The following SCP2 variants were observed in gnomAD, a reference collection of about 807,000 sequenced individuals.
The protein encoded by SCP2 is SCP-2/3-oxoacyl-CoA thiolase.
In SCP2, 48 loss-of-function variants were observed where a neutral mutation model predicts 71.4. The ratio of observed to expected loss-of-function variants is 0.67; its 90% CI spans 0.53 to 0.86. The LOEUF (loss-of-function observed/expected upper bound fraction) is 0.86, where lower values mean the gene tolerates loss of function less well. SCP2 is among the 40% of genes least tolerant of loss of function. SCP2 has a pLI of 0.00. For missense variants in SCP2, 560 were observed against 655.6 expected (o/e 0.85, Z 1.59); for synonymous variants, 220 against 218.1 (o/e 1.01, Z -0.08).
At chr1:53,042,948 G>A (rs887755277) in intron 14 of SCP2, among the ~76,000 whole-genome samples, 2 of 151,960 alleles carry the variant, frequency 1.3e-5, no homozygotes, top group African/African-American at 2.4e-5. Flanking sequence ...CCTTTGAAAC[G>A]ACTCATATAG....
intron 10 of SCP2, among the ~76,000 whole-genome samples, chr1:52,981,414 T>C (rs1293132272): frequency 2.0e-5 from 3 of 151,770 alleles, no homozygotes; most frequent in African/African-American, 7.3e-5. Context: ...TATTGAAAAA[T>C]AGAATGTAAA....
At chr1:52,940,662 C>G (rs1379356226) in intron 1 of SCP2, among the ~76,000 whole-genome samples, 1 of 152,210 alleles carries the variant, frequency 6.6e-6, no homozygotes, top group African/African-American at 2.4e-5. Flanking sequence ...ATGCTTAACA[C>G]AATGCATACC....
At chr1:53,016,854 T>C (rs17107576) in intron 12 of SCP2, among the ~76,000 whole-genome samples, 5,139 of 152,232 alleles carry the variant, frequency 0.034, 405 homozygotes, top group East Asian at 0.33. Flanking sequence ...ACACATTAGG[T>C]AGATCAGTCT....
At chr1:53,009,247 G>T (rs1376936882) in intron 11 of SCP2, among the ~76,000 whole-genome samples, 2 of 152,112 alleles carry the variant, frequency 1.3e-5, no homozygotes, top group African/African-American at 4.8e-5. Context: ...AGTTACCAAT[G>T]ACCTTCTTCA....
intron 1 of SCP2, chr1:52,928,566 AG>A (rs1652769063): frequency 6.6e-6 from 1 of 152,326 alleles, no homozygotes. Flanking sequence ...GGATCACCTG[AG>A]GTCAAGAGTT....
chr1:53,023,169 T>A (rs1661871792), intron 12 of SCP2, among the ~76,000 whole-genome samples: 1 of 152,180 alleles, frequency 6.6e-6, no homozygotes, highest in South Asian at 2.1e-4. Context: ...ACTTTACATA[T>A]TAACTTTTAA....
intron 6 of SCP2, among the ~76,000 whole-genome samples, chr1:52,966,735 A>G (rs1342283967): frequency 6.6e-6 from 1 of 151,852 alleles, no homozygotes; most frequent in East Asian, 1.9e-4. Context: ...GATACAAAAA[A>G]AAAAAAAAAT....
chr1:53,016,046 TTTA>T (rs545037248), intron 12 of SCP2, among the ~76,000 whole-genome samples: 73 of 152,282 alleles, frequency 4.8e-4, no homozygotes, highest in Middle Eastern at 3.4e-3. Flanking sequence ...CTTCTTTTTT[TTTA>T]TTATTATACT....
intron 5 of SCP2, 45 bp from the exon 6 acceptor site, chr1:52,961,458 A>G (rs376057104): frequency 1.2e-6 from 2 of 1,606,048 alleles, no homozygotes; most frequent in African/African-American, 2.7e-5. Flanking sequence ...TGAAAGAGAC[A>G]CTTATCATGT....
chr1:52,943,620 C>CA, intron 2 of SCP2: 1 of 428,424 alleles, frequency 2.3e-6, no homozygotes. Context: ...TTGGTGTCTT[C>CA]AAAAAGGCCA....
At chr1:52,970,848 C>G (rs1319565352) in intron 6 of SCP2, among the ~76,000 whole-genome samples, 1 of 149,308 alleles carries the variant, frequency 6.7e-6, no homozygotes, top group Admixed American at 6.7e-5. Flanking sequence ...TTTTTTTTAA[C>G]TTATAGATAA....
intron 8 of SCP2, 43 bp downstream of exon 8, chr1:52,976,812 C>A: frequency 1.1e-6 from 1 of 940,508 alleles, no homozygotes; most frequent in Non-Finnish European, 1.8e-6. Context: ...GAAGTAACTG[C>A]TGCCCTTCCT....
At chr1:52,940,096 T>A (rs1341987460) in intron 1 of SCP2, among the ~76,000 whole-genome samples, 1 of 152,134 alleles carries the variant, frequency 6.6e-6, no homozygotes, top group African/African-American at 2.4e-5. Flanking sequence ...GTTGTTTTAT[T>A]CCAGTCTCAT....
At chr1:52,960,244 C>T (rs1656217252) in intron 5 of SCP2, among the ~76,000 whole-genome samples, 1 of 151,918 alleles carries the variant, frequency 6.6e-6, no homozygotes, top group African/African-American at 2.4e-5. Context: ...TTTCATTCTG[C>T]TCATTTTCTA....
rs577302995 is a variant in SCP2 at position 52,991,650 on chromosome 1, C to T, written c.1081+3514C>T. Among the ~76,000 whole-genome samples, 3 of 152,250 alleles carry T rather than the reference C, an allele frequency of 2.0e-5. No homozygotes were observed. The East Asian group carries it at 5.8e-4, about 29-fold the overall frequency. ...TCCTGACCTTGTGATCTGCCTGCCT[C>T]GGCCTCCCAAAGTGCTGGGATTACA... On this transcript the variant is annotated intron_variant, in intron 11 of 15. Coordinates refer to ENST00000371514, the MANE Select transcript of SCP2 (RefSeq NM_002979.5).
intron 13 of SCP2, 35 bp from the exon 14 acceptor site, chr1:53,038,882 A>G: frequency 6.2e-7 from 1 of 1,612,688 alleles, no homozygotes; most frequent in Non-Finnish European, 8.5e-7. Flanking sequence ...AGAGAAATGG[A>G]CTTAATGTAA....
chr1:53,006,929 G>A (rs1332800952), intron 11 of SCP2, among the ~76,000 whole-genome samples: 3 of 152,124 alleles, frequency 2.0e-5, no homozygotes, highest in Non-Finnish European at 1.5e-5. Flanking sequence ...TAAAGGGATG[G>A]AGGAAGATCT....
intron 12 of SCP2, among the ~76,000 whole-genome samples, chr1:53,026,784 G>A (rs1662160428): frequency 6.6e-6 from 1 of 152,036 alleles, no homozygotes; most frequent in Non-Finnish European, 1.5e-5. Context: ...CCCCAGCCTG[G>A]GCGACAGAGT....
chr1:52,994,229 T>C, intron 11 of SCP2: 1 of 1,016,750 alleles, frequency 9.8e-7, no homozygotes, highest in Non-Finnish European at 1.2e-6. Flanking sequence ...GTATGGTCAC[T>C]GAAGCCTTTA....
Sources: allele counts gnomAD v4.1 joint callset (sites outside exome capture counted in the v4.1 genomes callset), GRCh38; gene constraint gnomAD v4.1.1; transcripts MANE v1.5; gene names NCBI Gene and HGNC (gene_info 2026-07-23, HGNC 2026-07-21).